SEPTIN12: variants seen among roughly 807,000 people sequenced by gnomAD.
SEPTIN12 encodes septin 12.
A neutral mutation model predicts 37.7 loss-of-function variants in SEPTIN12; 42 were observed. The observed-to-expected ratio is 1.11, with a 90% CI of 0.87 to 1.44. The LOEUF is 1.44. Among genes scored for constraint, SEPTIN12 ranks in the 40% most tolerant of loss-of-function variants. The probability of loss-of-function intolerance (pLI) is 0.00; values close to 1 mark genes in which losing one functional copy is unlikely to be tolerated. For missense variants in SEPTIN12, 613 were observed against 479.2 expected (o/e 1.28, Z -2.61); for synonymous variants, 254 against 196.7 (o/e 1.29, Z -2.44).
intron 7 of SEPTIN12, among the ~76,000 whole-genome samples, chr16:4,781,069 G>A (rs182345542): frequency 1.3e-5 from 2 of 152,052 alleles, no homozygotes; most frequent in East Asian, 1.9e-4. Flanking sequence ...GATCACCCTG[G>A]CTGAAATAGT....
chr16:4,785,521 C>T (rs544252406), intron 4 of SEPTIN12, among the ~76,000 whole-genome samples: 2 of 152,140 alleles, frequency 1.3e-5, no homozygotes, highest in South Asian at 2.1e-4. Flanking sequence ...TGCCTGTAAT[C>T]CCAGCACTTT....
At chr16:4,785,776 CT>C in intron 4 of SEPTIN12, 30 bp downstream of exon 4, 4 of 1,349,294 alleles carry the variant, frequency 3.0e-6, no homozygotes, top group South Asian at 2.4e-5. Flanking sequence ...GAAACTCTGC[CT>C]AAAAAAAAAA....
intron 7 of SEPTIN12, among the ~76,000 whole-genome samples, chr16:4,783,098 A>T (rs2082390215): frequency 7.1e-6 from 1 of 140,708 alleles, no homozygotes; most frequent in Non-Finnish European, 1.5e-5. Flanking sequence ...TGGCAGAGAC[A>T]AGGTTTCACC....
chr16:4,787,894 C>G, intron 1 of SEPTIN12: 1 of 500,064 alleles, frequency 2.0e-6, no homozygotes, highest in Non-Finnish European at 3.6e-6. Context: ...GCTCCGCTGC[C>G]CAAGGGTCTG....
At chr16:4,787,376 C>G (rs2082472087) in intron 2 of SEPTIN12, 104 bp downstream of exon 2, 2 of 1,031,664 alleles carry the variant, frequency 1.9e-6, no homozygotes, top group Non-Finnish European at 3.0e-6. Context: ...TCAGGCCCAC[C>G]TAAGAGATGG....
chr16:4,786,310 G>C (rs1490811359), intron 2 of SEPTIN12, among the ~76,000 whole-genome samples: 2 of 150,560 alleles, frequency 1.3e-5, no homozygotes, highest in African/African-American at 2.4e-5. Context: ...TAGTAGCTGG[G>C]ACTGTAGGCA....
At chr16:4,789,768 G>C (rs1188597069), upstream of SEPTIN12, among the ~76,000 whole-genome samples, 1 of 152,062 alleles carries the variant, frequency 6.6e-6, no homozygotes, top group Non-Finnish European at 1.5e-5. Flanking sequence ...CTGATAAGCT[G>C]TTTCTTATAC....
upstream of SEPTIN12, among the ~76,000 whole-genome samples, chr16:4,791,154 T>C (rs1354074665): frequency 6.6e-6 from 1 of 152,214 alleles, no homozygotes; most frequent in Non-Finnish European, 1.5e-5. Context: ...GATGGTCTAA[T>C]TCTGAAAATC....
At chr16:4,782,966 C>T (rs1041084128) in intron 7 of SEPTIN12, among the ~76,000 whole-genome samples, 4 of 150,728 alleles carry the variant, frequency 2.7e-5, no homozygotes, top group Non-Finnish European at 4.4e-5. Context: ...AGTGCAATGG[C>T]GCCATCTCAG....
chr16:4,784,016 C>T lies in SEPTIN12; in HGVS notation c.427G>A (p.Glu143Lys), dbSNP rs772649474. 2 of 1,614,184 alleles carry T rather than the reference C, an allele frequency of 1.2e-6. No individual in the cohort carries two copies. The highest frequency in any genetic ancestry group is 1.7e-6 in the Non-Finnish European group (2 of 1,180,028). Reference protein sequence around the residue: ...INEQYEQYLQEEILITRQRHI... With the variant: ...INEQYEQYLQKEILITRQRHI... Reference sequence around the variant, plus strand: ...CGCTGGCGGGTGATGAGGATCTCCTCCTGCAGGTACTGCTCGTATTGCTCG... The same window carrying T: ...CGCTGGCGGGTGATGAGGATCTCCTTCTGCAGGTACTGCTCGTATTGCTCG... The change falls in exon 5 of 10, where the codon GAG becomes AAG. Residue 143 changes from glutamate (E) to lysine (K), a missense_variant. Transcript: ENST00000268231.
rs1415294412 is a variant in SEPTIN12 at position 4,777,945 on chromosome 16, T to C, written c.929A>G (p.Tyr310Cys). 1 of 1,609,770 alleles carries C rather than the reference T, an allele frequency of 6.2e-7. No individual in the cohort carries two copies. Among genetic ancestry groups the C allele is most frequent in the East Asian group, 2.2e-5 (1 of 44,722 alleles). ...GCTTTCATTGAGTCTGATGACGCGG[T>C]AGTTCTCATAGTGGATGTTGTGGGT... is the stretch of plus-strand genomic sequence containing the variant. ...DITHNIHYEN[Y>C]RVIRLNESHL... The change falls in exon 10 of 10, where the codon TAC becomes TGC. Residue 310 changes from tyrosine to cysteine, a missense_variant. By Grantham distance (194) the Tyr-to-Cys change is radical. Transcript: ENST00000268231.
At chr16:4,779,568 A>C in intron 8 of SEPTIN12, 122 bp downstream of exon 8, 1 of 727,106 alleles carries the variant, frequency 1.4e-6, no homozygotes, top group Non-Finnish European at 2.5e-6. Context: ...ACCATTCCCC[A>C]GGGCTCTTTG....
At chr16:4,783,613 C>A (rs1476734998) in intron 6 of SEPTIN12, 36 bp downstream of exon 6, 3 of 1,611,830 alleles carry the variant, frequency 1.9e-6, no homozygotes, top group Non-Finnish European at 2.5e-6. Flanking sequence ...CCCTCTGCCC[C>A]CGCTGACCCC....
intron 4 of SEPTIN12, 148 bp from the exon 5 acceptor site, chr16:4,784,216 C>A: frequency 1.3e-6 from 1 of 774,644 alleles, no homozygotes; most frequent in South Asian, 1.6e-5. Context: ...GGTACTTTCC[C>A]CCACTTCCCT....
rs2082440515 is a variant in SEPTIN12, at chr16:4,786,105, C to T, written c.167G>A (p.Gly56Glu). 1.9e-6 allele frequency: 3 copies of T among 1,599,380 alleles called. No individual in the cohort carries two copies. Among genetic ancestry groups the T allele is most frequent in the Non-Finnish European group, 2.6e-6 (3 of 1,170,974 alleles). Residue 56 changes from glycine to glutamate, a missense_variant and splice_region_variant, in exon 3 of 10, where the codon GGG (glycine) becomes GAG (glutamate). Gly to Glu is a moderately conservative substitution (Grantham distance 98). Coordinates refer to ENST00000268231, the MANE Select transcript of SEPTIN12 (RefSeq NM_144605.5). ...MGFEFNIMVV[G>E]QSGLGKSTMV... ...CGTGGACTTGCCCAGCCCGCTTTGC[C>T]CTGGGAGTGGCAACCGGATGACAGC...
At chr16:4,779,892 G>T in intron 7 of SEPTIN12, 106 bp from the exon 8 acceptor site, 1 of 743,482 alleles carries the variant, frequency 1.3e-6, no homozygotes, top group Non-Finnish European at 2.4e-6. Flanking sequence ...CCTTTTCGAG[G>T]AGGGAACATG....
intron 2 of SEPTIN12, among the ~76,000 whole-genome samples, chr16:4,786,511 C>T (rs148308173): frequency 8.6e-4 from 130 of 151,982 alleles, no homozygotes; most frequent in African/African-American, 3.0e-3. Flanking sequence ...CCCGCCACCA[C>T]GCCTGGCTAA....
rs531795173 is a variant in SEPTIN12 at position 4,787,616 on chromosome 16, G to C, written c.30C>G (p.Pro10=). Residue 10 remains proline (P), a synonymous_variant, in exon 2 of 10, where the codon CCC becomes CCG. Coordinates refer to ENST00000268231, the MANE Select transcript of SEPTIN12 (RefSeq NM_144605.5). ...GGCTGGAGGGCTGCGAGGACAGGCA[G>C]GGAGAGGGGGAGCGCCTCAGGGGGT... MDPLRRSPS[P]CLSSQPSSPS... is the part of the protein sequence containing the mutation. 2 of 1,600,362 alleles carry C rather than the reference G, an allele frequency of 1.2e-6. No individual in the cohort carries two copies. Among genetic ancestry groups the C allele is most frequent in the Non-Finnish European group, 1.7e-6 (2 of 1,177,990 alleles).
In SEPTIN12 at chr16:4,784,035, T is replaced by C. The variant is rs766077492; in HGVS notation, c.408A>G (p.Gln136=). The change falls in exon 5 of 10, where the codon CAA becomes CAG. Residue 136 remains glutamine, a synonymous_variant. Transcript: ENST00000268231. ...TCTCCTCCTGCAGGTACTGCTCGTA[T>C]TGCTCGTTGATGTAGCCCAGGATGG... ...WDPILGYINE[Q]YEQYLQEEIL... is the part of the protein sequence containing the mutation. 5 of 1,614,130 alleles carry C rather than the reference T, an allele frequency of 3.1e-6. No individual in the cohort carries two copies. Among genetic ancestry groups the C allele is most frequent in the Non-Finnish European group, 4.2e-6 (5 of 1,180,008 alleles).
Sources: allele counts gnomAD v4.1 joint callset (sites outside exome capture counted in the v4.1 genomes callset), GRCh38; gene constraint gnomAD v4.1.1; transcripts MANE v1.5; gene names NCBI Gene and HGNC (gene_info 2026-07-23, HGNC 2026-07-21).